Variants in ATP1A3 observed in about 807,000 individuals in gnomAD.
ATP1A3 encodes ATPase Na+/K+ transporting subunit alpha 3.
Under a neutral mutation model 108.8 loss-of-function variants are expected in ATP1A3, and 12 were observed. That is an observed-to-expected ratio of 0.11 (90% CI 0.07 to 0.18). ATP1A3 has a LOEUF of 0.18. Among genes scored for constraint, ATP1A3 ranks in the 10% least tolerant of loss-of-function variants. The pLI, the probability that ATP1A3 is intolerant of heterozygous loss-of-function variation, is 1.00. For missense variants in ATP1A3, 498 were observed against 1,387.7 expected (o/e 0.36, Z 10.19); for synonymous variants, 539 against 564.5 (o/e 0.95, Z 0.64).
chr19:41,990,370 T>C (rs2075325611), intron 1 of ATP1A3, among the ~76,000 whole-genome samples: 1 of 151,348 alleles, frequency 6.6e-6, no homozygotes, highest in African/African-American at 2.4e-5. Flanking sequence ...CCTCTCTCTG[T>C]CTCTCTCAAA....
chr19:41,970,585 G>C, intron 16 of ATP1A3, 43 bp from the exon 17 acceptor site: 1 of 1,601,450 alleles, frequency 6.2e-7, no homozygotes, highest in Non-Finnish European at 8.5e-7. Flanking sequence ...ATGCCAGGGA[G>C]CCCCACTCCC....
In ATP1A3 at chr19:41,970,349, C is replaced by T. The variant is rs1555859552; in HGVS notation, c.2418+39G>A. 7.4e-6 allele frequency: 12 copies of T among 1,613,734 alleles called. No individual in the cohort carries two copies. In the East Asian group the frequency reaches 2.2e-4, roughly 30 times the overall value. ...CGGGTGAGCCGGAGAGGGGAGGACT[C>T]CACCCTCCTGGGCCCCAAGGGTGGC... On this transcript the variant is annotated intron_variant, in intron 17 of 22. Transcript: ENST00000648268.
At position 41,988,739 on chromosome 19, in the gene ATP1A3, G is replaced by T; in HGVS notation, c.7-177C>A. The T allele has an allele frequency of 7.4e-7, 1 of 1,354,306 alleles. No individual in the cohort carries two copies. The highest frequency in any genetic ancestry group is 1.4e-5 in the South Asian group (1 of 70,302). 83.9% of individuals were successfully genotyped at this position (1,354,306 alleles called of 1,614,324 possible). On this transcript the variant is annotated intron_variant, in intron 1 of 22. Transcript: ENST00000648268. This position sits in a 1 kb window ranked among gnomAD's most constrained non-coding sequence, Gnocchi z 5.3. ...TCCCTGTGTCTCCCGGAGCCTCTGG[G>T]TGACTTCACCTCCCTTCTGCCTCTG...
rs368504485 is a variant in ATP1A3, at chr19:41,990,635, C to T, written c.7-2073G>A. 3.4e-5 allele frequency among the ~76,000 whole-genome samples: 5 copies of T among 148,568 alleles called. No individual in the cohort carries two copies. In the South Asian group the frequency reaches 1.1e-3, roughly 32 times the overall value. ...CTTTCTCCCACTGTCTCTCTCTGGG[C>T]TCTCCTCAATCTCTCTCTCTCTTTC... On this transcript the variant is annotated intron_variant, in intron 1 of 22. Transcript: ENST00000648268.
chr19:41,990,075 G>A (rs2145987467), intron 1 of ATP1A3, among the ~76,000 whole-genome samples: 1 of 152,108 alleles, frequency 6.6e-6, no homozygotes, highest in South Asian at 2.1e-4. Context: ...TTCTGTCTCT[G>A]TCTTTTTCCG....
In ATP1A3 at chr19:41,988,635, G is replaced by A. The variant is rs532061583; in HGVS notation, c.7-73C>T. On this transcript the variant is annotated intron_variant, in intron 1 of 22. Transcript: ENST00000648268. The surrounding 1 kb of genome is among the most constrained non-coding windows in gnomAD (Gnocchi z 5.3). ...GAGAAGGGGTTCCAGGAGGACACCG[G>A]CCCTCCATGCCCCAGCTATCCTCCT... 1 of 1,611,584 alleles carries A rather than the reference G, an allele frequency of 6.2e-7. No homozygotes were observed. The highest frequency in any genetic ancestry group is 1.1e-5 in the South Asian group (1 of 91,062).
rs782670833 is a variant in ATP1A3 at position 41,988,586 on chromosome 19, T to C, written c.7-24A>G. ...TCCTGCGAGGTGGCGATACGATAGC[T>C]GTCAGAGCCACCAGACTGCGGGCGA... On this transcript the variant is annotated intron_variant, in intron 1 of 22. Transcript: ENST00000648268. This position sits in a 1 kb window ranked among gnomAD's most constrained non-coding sequence, Gnocchi z 5.3. 2 of 1,614,008 alleles carry C rather than the reference T, an allele frequency of 1.2e-6. No homozygotes were observed. Among genetic ancestry groups the C allele is most frequent in the African/African-American group, 2.7e-5 (2 of 74,900 alleles).
intron 16 of ATP1A3, among the ~76,000 whole-genome samples, chr19:41,974,324 T>C (rs2075143472): frequency 6.6e-6 from 1 of 152,134 alleles, no homozygotes; most frequent in African/African-American, 2.4e-5. Context: ...ATACCTGTAG[T>C]CTCAGCTACT....
At chr19:41,969,817 C>G (rs933072359) in intron 18 of ATP1A3, among the ~76,000 whole-genome samples, 9 of 152,208 alleles carry the variant, frequency 5.9e-5, no homozygotes, top group African/African-American at 2.2e-4. Context: ...GAGGGATAAC[C>G]TGGAGCCCCT....
rs781970840 is a variant in ATP1A3 at position 41,985,221 on chromosome 19, G to A, written c.725-35C>T. Reference sequence around the variant, plus strand: ...AGAGGGGTTAGGCTGAGGTGGGGTGGCTCAGGGAGGTTCTGGAGGCCTGAC... The same window carrying A: ...AGAGGGGTTAGGCTGAGGTGGGGTGACTCAGGGAGGTTCTGGAGGCCTGAC... On this transcript the variant is annotated intron_variant, in intron 7 of 22. Coordinates refer to ENST00000648268, the MANE Select transcript of ATP1A3 (RefSeq NM_152296.5). This position sits in a 1 kb window ranked among gnomAD's most constrained non-coding sequence, Gnocchi z 8.2. 28 of 1,613,820 alleles carry A rather than the reference G, an allele frequency of 1.7e-5. No individual in the cohort carries two copies. The highest frequency in any genetic ancestry group is 2.2e-5 in the East Asian group (1 of 44,884).
At chr19:41,971,802 G>T (rs1187297630) in intron 16 of ATP1A3, among the ~76,000 whole-genome samples, 1 of 152,122 alleles carries the variant, frequency 6.6e-6, no homozygotes, top group Non-Finnish European at 1.5e-5. Flanking sequence ...CTTGACTGGG[G>T]TCTGGTGGTT....
rs560862825 is a variant in ATP1A3, at chr19:41,985,334, G to A, written c.696C>T (p.Ile232=). 1.2e-6 allele frequency: 2 copies of A among 1,614,232 alleles called. No individual in the cohort carries two copies. Among genetic ancestry groups the A allele is most frequent in the Non-Finnish European group, 8.5e-7 (1 of 1,180,018 alleles). ...THDNPLETRN[I]TFFSTNCVEG... is the part of the protein sequence containing the mutation. ...CCACACAGTTGGTGGAAAAGAAGGT[G>A]ATGTTCCGAGTCTCCAAGGGGTTGT... is the stretch of plus-strand genomic sequence containing the variant. The change falls in exon 7 of 23, where the codon ATC becomes ATT. Residue 232 remains isoleucine, a synonymous_variant. Coordinates refer to ENST00000648268, the MANE Select transcript of ATP1A3 (RefSeq NM_152296.5). The surrounding 1 kb of genome is among the most constrained non-coding windows in gnomAD (Gnocchi z 8.2).
At position 41,981,038 on chromosome 19, in the gene ATP1A3, C is replaced by A. The variant is rs374291146; in HGVS notation, c.1437+464G>T. On this transcript the variant is annotated intron_variant, in intron 11 of 22. Coordinates refer to ENST00000648268, the MANE Select transcript of ATP1A3 (RefSeq NM_152296.5). This position sits in a 1 kb window ranked among gnomAD's most constrained non-coding sequence, Gnocchi z 5.0. ...TTTGAGTCAGGGTCTTGCTCTGTCA[C>A]CCAGGCTGGAGTACAGTGCGTGATG... Among the ~76,000 whole-genome samples the A allele has an allele frequency of 1.0e-3, 153 of 150,228 alleles. 2 individuals are homozygous for A. The East Asian group carries it at 0.026, about 26-fold the overall frequency.
chr19:41,978,114 G>A lies in ATP1A3; in HGVS notation c.1806+37C>T, dbSNP rs201289516. On this transcript the variant is annotated intron_variant, in intron 13 of 22. Transcript: ENST00000648268. The surrounding 1 kb of genome is among the most constrained non-coding windows in gnomAD (Gnocchi z 8.3). ...TTAGGGATGGCCTCTCCCGCCCCAC[G>A]CCTGGCTTTGCCTCCCCCAGCCACC... 6.2e-5 allele frequency: 100 copies of A among 1,614,052 alleles called. No individual in the cohort carries two copies. Among genetic ancestry groups the A allele is most frequent in the East Asian group, 1.3e-4 (6 of 44,898 alleles).
chr19:41,975,484 G>A lies in ATP1A3; in HGVS notation c.2263+145C>T. On this transcript the variant is annotated intron_variant, in intron 16 of 22. Coordinates refer to ENST00000648268, the MANE Select transcript of ATP1A3 (RefSeq NM_152296.5). ...CCCGACCCCACAGGGGAGGAAGACA[G>A]AAAAGGACAGGCTCAGGCTCCTCCA... is the stretch of plus-strand genomic sequence containing the variant. The A allele has an allele frequency of 3.2e-6, 4 of 1,261,726 alleles. No homozygotes were observed. The Admixed American group carries it at 6.9e-5, about 22-fold the overall frequency. 78.2% of individuals were successfully genotyped at this position (1,261,726 alleles called of 1,614,324 possible). A position where few individuals can be genotyped will look rare whatever the true frequency, so the allele number is the denominator to read the frequency against.
intron 8 of ATP1A3, chr19:41,984,687 T>C: frequency 1.9e-6 from 1 of 538,120 alleles, no homozygotes; most frequent in African/African-American, 1.9e-5. Context: ...TGAGGCCCTC[T>C]GAGTCAGGCC....
At position 41,967,541 on chromosome 19, in the gene ATP1A3, C is replaced by T; in HGVS notation, c.2921+121G>A. 1 of 1,224,256 alleles carries T rather than the reference C, an allele frequency of 8.2e-7. No individual in the cohort carries two copies. 75.8% of individuals were successfully genotyped at this position (1,224,256 alleles called of 1,614,324 possible). A position where few individuals can be genotyped will look rare whatever the true frequency, so the allele number is the denominator to read the frequency against. On this transcript the variant is annotated intron_variant, in intron 21 of 22. Transcript: ENST00000648268. This position sits in a 1 kb window ranked among gnomAD's most constrained non-coding sequence, Gnocchi z 4.2. ...GCCTATGGGGGAGGCTCGGGGGCAT[C>T]AGAATGGGGACTGCAGTGGGGACAC...
chr19:41,984,832 G>A, intron 8 of ATP1A3, 86 bp downstream of exon 8: 1 of 1,467,812 alleles, frequency 6.8e-7, no homozygotes, highest in Non-Finnish European at 9.2e-7. Flanking sequence ...AGACTCAGGG[G>A]TCCAGGATCC....
rs1005470361 is a variant in ATP1A3 at position 41,968,151 on chromosome 19, A to G, written c.2820-388T>C. On this transcript the variant is annotated intron_variant, in intron 20 of 22. Coordinates refer to ENST00000648268, the MANE Select transcript of ATP1A3 (RefSeq NM_152296.5). This position sits in a 1 kb window ranked among gnomAD's most constrained non-coding sequence, Gnocchi z 5.0. ...AGAAAAGGCCAGGGGCACCTCCACCACACACACAGAGGCTGAGAGAGAATC... is the reference window on the plus strand; with the variant it reads ...AGAAAAGGCCAGGGGCACCTCCACCGCACACACAGAGGCTGAGAGAGAATC... Among the ~76,000 whole-genome samples, 2 of 152,070 alleles carry G rather than the reference A, an allele frequency of 1.3e-5. No individual in the cohort carries two copies. Among genetic ancestry groups the G allele is most frequent in the African/African-American group, 4.8e-5 (2 of 41,398 alleles).
Sources: allele counts gnomAD v4.1 joint callset (sites outside exome capture counted in the v4.1 genomes callset), GRCh38; gene constraint gnomAD v4.1.1; non-coding constraint Gnocchi (gnomAD v3.1); transcripts MANE v1.5; gene names NCBI Gene and HGNC (gene_info 2026-07-23, HGNC 2026-07-21).